Variants in C14orf39 observed in about 807,000 individuals in gnomAD.
C14orf39 encodes the protein protein SIX6OS1.
Under a neutral mutation model 85.6 loss-of-function variants are expected in C14orf39, and 66 were observed. The observed-to-expected ratio is 0.77, with a 90% CI of 0.63 to 0.95. The LOEUF is 0.95. Ranked by LOEUF, C14orf39 falls within the 40% of genes least tolerant of loss-of-function variation. C14orf39 has a pLI of 0.00. For synonymous variants in C14orf39, 242 were observed against 214.0 expected, an observed-to-expected ratio of 1.13 and a Z score of -1.14; for missense variants, 735 against 663.9, an observed-to-expected ratio of 1.11 and a Z score of -1.18.
intron 4 of C14orf39, among the ~76,000 whole-genome samples, chr14:60,478,654 T>C (rs546332549): frequency 1.3e-4 from 20 of 152,288 alleles, no homozygotes; most frequent in African/African-American, 4.6e-4. Context: ...AAATGTGACA[T>C]GGCTGGATTG....
intron 1 of C14orf39, chr14:60,511,643 C>G (rs1311558198): frequency 5.5e-6 from 2 of 362,624 alleles, no homozygotes; most frequent in African/African-American, 2.1e-5. Context: ...TTTTTTTTAA[C>G]AAAACATATA....
At chr14:60,461,999 T>C (rs1009626013) in intron 11 of C14orf39, among the ~76,000 whole-genome samples, 10 of 152,110 alleles carry the variant, frequency 6.6e-5, no homozygotes, top group East Asian at 1.9e-4. Context: ...AAACAACAGA[T>C]TAAAAGATTA....
chr14:60,472,811 A>G (rs1050054992), intron 5 of C14orf39, among the ~76,000 whole-genome samples: 6 of 152,090 alleles, frequency 3.9e-5, no homozygotes, highest in African/African-American at 1.2e-4. Context: ...CCATTGTTGG[A>G]CATTTGGCTT....
In C14orf39 at chr14:60,509,250, C is replaced by T. The variant is rs538661695; in HGVS notation, c.-144+6145G>A. On this transcript the variant is annotated intron_variant, in intron 1 of 5. Coordinates refer to the C14orf39 transcript ENST00000556799. ...CCAGTCGGGGTCGTCCGCTCCCGGCCGTTGAGCCACCGCCGCCACCCGGTA... is the reference window on the plus strand; with the variant it reads ...CCAGTCGGGGTCGTCCGCTCCCGGCTGTTGAGCCACCGCCGCCACCCGGTA... 975 of 702,634 alleles carry T rather than the reference C, an allele frequency of 1.4e-3. 11 individuals are homozygous for T. In the East Asian group the frequency reaches 0.018, roughly 13 times the overall value. 43.5% of individuals were successfully genotyped at this position (702,634 alleles called of 1,614,324 possible). A position where few individuals can be genotyped will look rare whatever the true frequency, so the allele number is the denominator to read the frequency against.
chr14:60,511,782 A>G (rs1893298051), intron 1 of C14orf39: 1 of 163,678 alleles, frequency 6.1e-6, no homozygotes, highest in Admixed American at 5.7e-5. Flanking sequence ...CAATAAAACA[A>G]CCTAGTGGGC....
intron 7 of C14orf39, 146 bp downstream of exon 7, chr14:60,471,271 G>T (rs1892062094): frequency 1.4e-6 from 1 of 727,726 alleles, no homozygotes; most frequent in African/African-American, 1.8e-5. Context: ...ATGAATCCAA[G>T]ATGACCTTTA....
At chr14:60,474,534 G>C (rs185108793) in intron 5 of C14orf39, among the ~76,000 whole-genome samples, 6 of 149,654 alleles carry the variant, frequency 4.0e-5, no homozygotes, top group African/African-American at 1.5e-4. Context: ...ATTGGCTGTG[G>C]GTTTGTCATA....
chr14:60,452,092 C>T (rs1247222311), intron 16 of C14orf39, among the ~76,000 whole-genome samples: 1 of 146,458 alleles, frequency 6.8e-6, no homozygotes, highest in Non-Finnish European at 1.5e-5. Context: ...GAGGATGAGG[C>T]AGGGGAATCA....
At chr14:60,438,119 A>G (rs887325325) in intron 17 of C14orf39, among the ~76,000 whole-genome samples, 7 of 151,984 alleles carry the variant, frequency 4.6e-5, no homozygotes, top group African/African-American at 1.4e-4. Flanking sequence ...AATAATTTGC[A>G]TCACTTTGAA....
At chr14:60,493,528 T>C (rs1039216622) in intron 2 of C14orf39, among the ~76,000 whole-genome samples, 1 of 152,178 alleles carries the variant, frequency 6.6e-6, no homozygotes, top group African/African-American at 2.4e-5. Context: ...GGTACAAAGT[T>C]TCTATGTGTA....
intron 1 of C14orf39, chr14:60,510,973 T>C: frequency 9.0e-7 from 1 of 1,113,762 alleles, no homozygotes; most frequent in South Asian, 1.4e-5. Flanking sequence ...ACTGCTGGGG[T>C]CTTCGGAAGA....
upstream of C14orf39, among the ~76,000 whole-genome samples, chr14:60,488,475 C>A (rs922282402): frequency 1.3e-5 from 2 of 152,130 alleles, no homozygotes; most frequent in Admixed American, 6.5e-5. Context: ...AGAACTTTGA[C>A]TCAGATAAAC....
In C14orf39 at chr14:60,471,622, T is replaced by C. The variant is rs1892083800; in HGVS notation, c.441A>G (p.Glu147=). The part of the protein sequence containing the change: ...EYYEKKREHE[E]IQSRVLACTE... ...TACATGCCAACACTCTGCTTTGAATTTCTTCATGTTCTCTTTTCTTCTCAT... is the reference window on the plus strand; with the variant it reads ...TACATGCCAACACTCTGCTTTGAATCTCTTCATGTTCTCTTTTCTTCTCAT... Residue 147 remains glutamate (E), a synonymous_variant, in exon 6 of 18, where the codon GAA becomes GAG. Coordinates refer to ENST00000321731, the MANE Select transcript of C14orf39 (RefSeq NM_174978.3). 1 of 1,611,200 alleles carries C rather than the reference T, an allele frequency of 6.2e-7. No individual in the cohort carries two copies. Among genetic ancestry groups the C allele is most frequent in the Non-Finnish European group, 8.5e-7 (1 of 1,178,446 alleles).
At chr14:60,514,528 GT>G (rs1348373811) in intron 1 of C14orf39, among the ~76,000 whole-genome samples, 1 of 152,002 alleles carries the variant, frequency 6.6e-6, no homozygotes, top group Non-Finnish European at 1.5e-5. Context: ...AAATGCCGCA[GT>G]TCCTCTCGCC....
intron 1 of C14orf39, chr14:60,509,220 C>G: frequency 1.6e-6 from 1 of 622,086 alleles, no homozygotes; most frequent in Non-Finnish European, 2.9e-6. Context: ...GAGCCAGCAC[C>G]TCCTCCAGTC....
chr14:60,469,668 G>A lies in C14orf39; in HGVS notation c.555-15C>T, dbSNP rs964306977. ...TCAAATTAACACTTTTTATGTTAAG[G>A]AACTATGTCATATAAGTAAATTTTA... On this transcript the variant is annotated splice_polypyrimidine_tract_variant and intron_variant, in intron 7 of 17. Transcript: ENST00000321731. 1.9e-6 allele frequency: 2 copies of A among 1,076,980 alleles called. No individual in the cohort carries two copies. The highest frequency in any genetic ancestry group is 2.6e-6 in the Non-Finnish European group (2 of 772,782). 66.7% of individuals were successfully genotyped at this position (1,076,980 alleles called of 1,614,324 possible). A position where few individuals can be genotyped will look rare whatever the true frequency, so the allele number is the denominator to read the frequency against.
At chr14:60,479,280 T>G (rs1449097195) in intron 4 of C14orf39, among the ~76,000 whole-genome samples, 2 of 152,172 alleles carry the variant, frequency 1.3e-5, no homozygotes, top group East Asian at 3.8e-4. Context: ...ATCATTTCCT[T>G]AGAAAATATT....
chr14:60,455,843 G>A (rs1322858561), intron 15 of C14orf39, among the ~76,000 whole-genome samples: 1 of 152,114 alleles, frequency 6.6e-6, no homozygotes, highest in African/African-American at 2.4e-5. Context: ...GTCTAGAGCA[G>A]TGCCTTGCAC....
At chr14:60,495,925 T>C (rs1893063692) in intron 2 of C14orf39, 1 of 440,670 alleles carries the variant, frequency 2.3e-6, no homozygotes, top group Non-Finnish European at 4.5e-6. Context: ...GGGTGTGAGG[T>C]AGCAAAGTAC....
Sources: allele counts gnomAD v4.1 joint callset (sites outside exome capture counted in the v4.1 genomes callset), GRCh38; gene constraint gnomAD v4.1.1; transcripts MANE v1.5; gene names NCBI Gene and HGNC (gene_info 2026-07-23, HGNC 2026-07-21).